The following WDR48 variants were observed in gnomAD, a reference collection of about 807,000 sequenced individuals.
WDR48 encodes the protein WD repeat-containing protein 48.
In WDR48, 22 loss-of-function variants were observed where a neutral mutation model predicts 94.0. The observed-to-expected ratio is 0.23, with a 90% CI of 0.17 to 0.33. The LOEUF (loss-of-function observed/expected upper bound fraction) is 0.33, where lower values mean the gene tolerates loss of function less well. Ranked by LOEUF, WDR48 falls within the 10% of genes least tolerant of loss-of-function variation. The pLI, the probability that WDR48 is intolerant of heterozygous loss-of-function variation, is 1.00. For synonymous variants in WDR48, 278 were observed against 280.5 expected (o/e 0.99, Z 0.09); for missense variants, 541 against 813.8 (o/e 0.66, Z 4.08).
chr3:39,065,164 G>A (rs2033526935), intron 2 of WDR48, among the ~76,000 whole-genome samples: 1 of 152,100 alleles, frequency 6.6e-6, no homozygotes, highest in Non-Finnish European at 1.5e-5. Context: ...GGCCTCTCCT[G>A]GTTATTAAGC....
intron 11 of WDR48, among the ~76,000 whole-genome samples, chr3:39,083,241 T>C (rs947764343): frequency 2.0e-5 from 3 of 152,010 alleles, no homozygotes; most frequent in African/African-American, 7.2e-5. Context: ...AGAAATTTGA[T>C]TGGAGGGGTA....
At chr3:39,072,832 C>T (rs1278862795) in intron 7 of WDR48, among the ~76,000 whole-genome samples, 2 of 152,280 alleles carry the variant, frequency 1.3e-5, no homozygotes, top group East Asian at 3.9e-4. Flanking sequence ...CCAAATGCTG[C>T]GAAGAAGTTG....
At chr3:39,058,367 C>T (rs181421619) in intron 1 of WDR48, among the ~76,000 whole-genome samples, 2 of 152,330 alleles carry the variant, frequency 1.3e-5, no homozygotes, top group African/African-American at 2.4e-5. Context: ...TTAAAGCACA[C>T]GTCTTTAGGA....
chr3:39,082,598 T>TGAAAGGAGTATGAG (rs2034596417), intron 11 of WDR48, among the ~76,000 whole-genome samples: 2 of 152,104 alleles, frequency 1.3e-5, no homozygotes, highest in South Asian at 4.2e-4. Context: ...GATACTTTAA[T>TGAAAGGAGTATGAG]GAAAGGAGTA....
chr3:39,082,612 G>A (rs2034597349), intron 11 of WDR48, among the ~76,000 whole-genome samples: 1 of 152,048 alleles, frequency 6.6e-6, no homozygotes, highest in Non-Finnish European at 1.5e-5. Flanking sequence ...AGGAGTATGA[G>A]GAAAGGAAAA....
Position 39,078,197 on chromosome 3 carries a change from C to A in WDR48, c.1033C>A (p.Pro345Thr). 1 of 1,613,128 alleles carries A rather than the reference C, an allele frequency of 6.2e-7. No individual in the cohort carries two copies. The highest frequency in any genetic ancestry group is 8.5e-7 in the Non-Finnish European group (1 of 1,179,518). Residue 345 changes from proline to threonine, a missense_variant, in exon 10 of 19, where the codon CCT becomes ACT. By Grantham distance (38) the Pro-to-Thr change is conservative. Around this residue, in one of 5 missense-constraint regions of WDR48, gnomAD observed 238 missense variants for 285.3 expected, o/e 0.83. Coordinates refer to ENST00000302313, the MANE Select transcript of WDR48 (RefSeq NM_020839.4). The stretch of plus-strand genomic sequence containing the variant: ...AGATTATGACAATGACTGTACAAAT[C>A]CTATAACACCTCTTTGTACACAACC... ...SGDYDNDCTN[P>T]ITPLCTQPDQ...
In WDR48 at chr3:39,069,758, T is replaced by C; in HGVS notation, c.672+14T>C. The C allele has an allele frequency of 6.2e-7, 1 of 1,606,220 alleles. No individual in the cohort carries two copies. ...GATGGCACGCAAGTATGCAGTTTCATTTGGGTGTTTACCTAATAACCTTGT... is the reference window on the plus strand; with the variant it reads ...GATGGCACGCAAGTATGCAGTTTCACTTGGGTGTTTACCTAATAACCTTGT... On this transcript the variant is annotated intron_variant, in intron 7 of 18. Coordinates refer to ENST00000302313, the MANE Select transcript of WDR48 (RefSeq NM_020839.4).
chr3:39,090,159 A>G (rs1188344156), intron 16 of WDR48: 3 of 152,200 alleles, frequency 2.0e-5, no homozygotes, highest in African/African-American at 7.2e-5. Flanking sequence ...GATACTTCTA[A>G]TCTTTGCTAA....
rs558238549 is a variant in WDR48 at position 39,096,015 on chromosome 3, T to C, written c.*1272T>C. On this transcript the variant is annotated 3_prime_UTR_variant, in exon 19 of 19. Transcript: ENST00000302313. ...TTGCCTCCCTAGCTTGTGTGTGGCCTGCCTCCACCATAGCAGGGACTAGGG... is the reference window on the plus strand; with the variant it reads ...TTGCCTCCCTAGCTTGTGTGTGGCCCGCCTCCACCATAGCAGGGACTAGGG... 2 of 152,814 alleles carry C rather than the reference T, an allele frequency of 1.3e-5. No individual in the cohort carries two copies. The highest frequency in any genetic ancestry group is 2.9e-5 in the Non-Finnish European group (2 of 68,034). 9.5% of individuals were successfully genotyped at this position (152,814 alleles called of 1,614,324 possible).
intron 11 of WDR48, among the ~76,000 whole-genome samples, chr3:39,082,802 A>C (rs764616734): frequency 2.0e-5 from 3 of 152,172 alleles, no homozygotes; most frequent in Non-Finnish European, 2.9e-5. Flanking sequence ...GTACAGTCTC[A>C]TGCACAGTTA....
chr3:39,069,607 T>C (rs1303644076), intron 6 of WDR48, 36 bp from the exon 7 acceptor site: 1 of 1,516,034 alleles, frequency 6.6e-7, no homozygotes, highest in South Asian at 1.1e-5. Context: ...GATACTGATA[T>C]ATTTAGTTTG....
rs2033360843 is a variant in WDR48 at position 39,062,922 on chromosome 3, G to A, written c.49-128G>A. 5 of 1,201,926 alleles carry A rather than the reference G, an allele frequency of 4.2e-6. No individual in the cohort carries two copies. In the South Asian group the frequency reaches 6.2e-5, roughly 15 times the overall value. 74.5% of individuals were successfully genotyped at this position (1,201,926 alleles called of 1,614,324 possible). A position where few individuals can be genotyped will look rare whatever the true frequency, so the allele number is the denominator to read the frequency against. ...TCTTTAAGGAGTAAAATTTAAATTTGTATTGGGTTGAAAAAGTACATATTG... is the reference window on the plus strand; with the variant it reads ...TCTTTAAGGAGTAAAATTTAAATTTATATTGGGTTGAAAAAGTACATATTG... On this transcript the variant is annotated intron_variant, in intron 1 of 18. Transcript: ENST00000302313.
At chr3:39,053,742 A>T (rs997694648) in intron 1 of WDR48, among the ~76,000 whole-genome samples, 7 of 152,212 alleles carry the variant, frequency 4.6e-5, no homozygotes, top group African/African-American at 1.7e-4. Context: ...TAAAGTATAT[A>T]TATTTTAAAA....
rs1335847886 is a variant in WDR48 at position 39,094,756 on chromosome 3, T to C, written c.*13T>C. 1 of 1,613,754 alleles carries C rather than the reference T, an allele frequency of 6.2e-7. No homozygotes were observed. Among genetic ancestry groups the C allele is most frequent in the East Asian group, 2.2e-5 (1 of 44,886 alleles). ...GAAGTCCACGTGAAGGCTGGGCTAA[T>C]GCTCCTGGATATTCATTTACGACCT... On this transcript the variant is annotated 3_prime_UTR_variant, in exon 19 of 19. Coordinates refer to ENST00000302313, the MANE Select transcript of WDR48 (RefSeq NM_020839.4).
chr3:39,088,876 C>G (rs2034945580), intron 15 of WDR48, among the ~76,000 whole-genome samples: 1 of 152,182 alleles, frequency 6.6e-6, no homozygotes, highest in South Asian at 2.1e-4. Context: ...TGAGTGGTTA[C>G]CAGAAATATT....
intron 3 of WDR48, among the ~76,000 whole-genome samples, chr3:39,066,332 T>C (rs1264786782): frequency 6.6e-6 from 1 of 152,220 alleles, no homozygotes; most frequent in Non-Finnish European, 1.5e-5. Context: ...TTGCACTGCT[T>C]GTTTTAAAAA....
chr3:39,062,282 G>C (rs2033316416), intron 1 of WDR48, among the ~76,000 whole-genome samples: 1 of 152,064 alleles, frequency 6.6e-6, no homozygotes, highest in South Asian at 2.1e-4. Flanking sequence ...ATTTTTAACT[G>C]TTTATTTCAT....
intron 1 of WDR48, among the ~76,000 whole-genome samples, chr3:39,060,922 G>A (rs1029389047): frequency 6.6e-6 from 1 of 152,136 alleles, no homozygotes; most frequent in Non-Finnish European, 1.5e-5. Flanking sequence ...AGCCAAGATC[G>A]GGCCACTGCT....
Position 39,095,158 on chromosome 3 carries a change from G to A in WDR48, c.*415G>A, listed in dbSNP as rs78546810. Reference sequence around the variant, plus strand: ...CACACTCTGTAGCTTTTCTAAAACAGTACATTCCATTCATGCAGTAGATAT... The same window carrying A: ...CACACTCTGTAGCTTTTCTAAAACAATACATTCCATTCATGCAGTAGATAT... On this transcript the variant is annotated 3_prime_UTR_variant, in exon 19 of 19. Coordinates refer to ENST00000302313, the MANE Select transcript of WDR48 (RefSeq NM_020839.4). 4.6e-3 allele frequency: 811 copies of A among 177,964 alleles called. 5 individuals are homozygous for A. Among genetic ancestry groups the A allele is most frequent in the Non-Finnish European group, 5.7e-3 (479 of 84,180 alleles). The allele number at this position is 177,964 out of a possible 1,614,324, so 11.0% of individuals were successfully genotyped here. A position where few individuals can be genotyped will look rare whatever the true frequency, so the allele number is the denominator to read the frequency against.
Sources: gnomAD v4.1 joint callset for allele counts (sites outside exome capture counted in the v4.1 genomes callset) on GRCh38, gnomAD v4.1.1 for gene constraint, gnomAD v4.1.1 regional missense constraint, MANE v1.5 for transcripts, NCBI Gene and HGNC (gene_info 2026-07-23, HGNC 2026-07-21) for gene names.